Variants in RHOU observed in about 807,000 individuals in gnomAD.
RHOU encodes ras homolog family member U, also known as rho-related GTP-binding protein RhoU.
RHOU carries 8 observed loss-of-function variants against 12.6 expected under a neutral mutation model. The observed-to-expected ratio is 0.64, with a 90% CI of 0.37 to 1.15. The LOEUF is 1.15. RHOU is among the 50% of genes most tolerant of loss of function. RHOU has a pLI of 0.01. For missense variants in RHOU, 258 were observed against 347.0 expected, an observed-to-expected ratio of 0.74 and a Z score of 2.04; for synonymous variants, 161 against 147.4, an observed-to-expected ratio of 1.09 and a Z score of -0.67.
chr1:228,687,373 A>T, the RHOU span: 2 of 871,886 alleles, frequency 2.3e-6, no homozygotes, highest in Non-Finnish European at 3.9e-6. Context: ...ATGTTTTGGT[A>T]CAACTTATAG....
At chr1:228,693,012 C>T in the RHOU span, among the ~76,000 whole-genome samples, 6 of 152,228 alleles carry the variant, frequency 3.9e-5, no homozygotes, top group South Asian at 1.0e-3. Context: ...CAAAACCGTA[C>T]TGTGAGTCTT....
the RHOU span, among the ~76,000 whole-genome samples, chr1:228,682,076 C>T: frequency 6.6e-6 from 1 of 152,126 alleles, no homozygotes; most frequent in Non-Finnish European, 1.5e-5. Context: ...GTGACTGGCG[C>T]CAGAGTTTTG....
the RHOU span, among the ~76,000 whole-genome samples, chr1:228,668,447 C>G: frequency 2.7e-3 from 412 of 152,218 alleles, 1 homozygote; most frequent in African/African-American, 9.4e-3. Context: ...TGGGACCAAG[C>G]CTTTAACCTG....
chr1:228,721,773 C>T, the RHOU span, among the ~76,000 whole-genome samples: 1 of 152,156 alleles, frequency 6.6e-6, no homozygotes, highest in Non-Finnish European at 1.5e-5. Context: ...AGATTCTCCT[C>T]CCTCAGCCTC....
the RHOU span, among the ~76,000 whole-genome samples, chr1:228,707,350 A>C: frequency 1.4e-4 from 20 of 146,804 alleles, no homozygotes; most frequent in Middle Eastern, 6.8e-3. Flanking sequence ...GAATAGGAAC[A>C]GCTCCGGTCT....
chr1:228,700,539 G>A, the RHOU span, among the ~76,000 whole-genome samples: 1 of 152,084 alleles, frequency 6.6e-6, no homozygotes, highest in African/African-American at 2.4e-5. Context: ...TGCTTGTAAA[G>A]AGCTTTTAGA....
At chr1:228,665,054 T>C in the RHOU span, among the ~76,000 whole-genome samples, 1 of 152,236 alleles carries the variant, frequency 6.6e-6, no homozygotes, top group African/African-American at 2.4e-5. Flanking sequence ...ATAGGTACTA[T>C]TTTATTTTCA....
chr1:228,724,151 A>G, the RHOU span, among the ~76,000 whole-genome samples: 1 of 152,164 alleles, frequency 6.6e-6, no homozygotes, highest in Non-Finnish European at 1.5e-5. Flanking sequence ...TCACTGACGT[A>G]TCCCCAACTA....
the RHOU span, among the ~76,000 whole-genome samples, chr1:228,662,202 A>G: frequency 6.6e-6 from 1 of 152,234 alleles, no homozygotes; most frequent in African/African-American, 2.4e-5. Context: ...GAGGATGTGG[A>G]GAAATAGGAA....
the RHOU span, among the ~76,000 whole-genome samples, chr1:228,705,349 T>C: frequency 6.6e-6 from 1 of 152,152 alleles, no homozygotes; most frequent in Admixed American, 6.5e-5. Flanking sequence ...ATTTGCTGCT[T>C]TGGGGGCTCT....
chr1:228,728,050 T>C, the RHOU span, among the ~76,000 whole-genome samples: 1 of 152,136 alleles, frequency 6.6e-6, no homozygotes, highest in Non-Finnish European at 1.5e-5. Flanking sequence ...GGAAGACCAA[T>C]TGGGATTGCT....
At chr1:228,712,290 C>G in the RHOU span, among the ~76,000 whole-genome samples, 1 of 148,740 alleles carries the variant, frequency 6.7e-6, no homozygotes, top group East Asian at 2.0e-4. Flanking sequence ...TACCATTTGA[C>G]CCAGCCATCC....
chr1:228,664,716 C>T, the RHOU span, among the ~76,000 whole-genome samples: 1 of 152,104 alleles, frequency 6.6e-6, no homozygotes, highest in African/African-American at 2.4e-5. Flanking sequence ...TCATTGCAAC[C>T]TCCGTCTCCC....
the RHOU span, among the ~76,000 whole-genome samples, chr1:228,647,009 A>C: frequency 2.1e-5 from 3 of 145,758 alleles, no homozygotes; most frequent in East Asian, 2.2e-4. Context: ...AAATAACGCG[A>C]GGTCCAGGGG....
At chr1:228,725,743 C>T in the RHOU span, among the ~76,000 whole-genome samples, 1 of 152,146 alleles carries the variant, frequency 6.6e-6, no homozygotes, top group Non-Finnish European at 1.5e-5. Context: ...TGACCAATTA[C>T]AAAGCCATCT....
chr1:228,736,105 G>T, intron 1 of RHOU, 101 bp downstream of exon 1: 1 of 1,206,786 alleles, frequency 8.3e-7, no homozygotes, highest in Non-Finnish European at 1.1e-6. Flanking sequence ...GGGGCTGCAG[G>T]GCCCCGGGCG....
At chr1:228,663,676 A>G in the RHOU span, among the ~76,000 whole-genome samples, 1 of 109,212 alleles carries the variant, frequency 9.2e-6, no homozygotes, top group Non-Finnish European at 1.7e-5. Flanking sequence ...TCTGTCCCCC[A>G]GGCTGGGGTG....
At chr1:228,728,399 A>G in the RHOU span, among the ~76,000 whole-genome samples, 3 of 152,372 alleles carry the variant, frequency 2.0e-5, no homozygotes, top group Non-Finnish European at 4.4e-5. Context: ...TAGTTAAAAT[A>G]TTAAAACACT....
chr1:228,647,010 G>A, the RHOU span, among the ~76,000 whole-genome samples: 8 of 145,310 alleles, frequency 5.5e-5, no homozygotes, highest in African/African-American at 2.0e-4. Flanking sequence ...AATAACGCGA[G>A]GTCCAGGGGG....
Sources: allele counts gnomAD v4.1 joint callset (sites outside exome capture counted in the v4.1 genomes callset), GRCh38; gene constraint gnomAD v4.1.1; transcripts MANE v1.5; gene names NCBI Gene and HGNC (gene_info 2026-07-23, HGNC 2026-07-21).